Variants in ODR4 observed in about 807,000 individuals in gnomAD.
The protein encoded by ODR4 is odr-4 GPCR localization factor homolog, also known as protein odr-4 homolog.
In ODR4, 47 loss-of-function variants were observed where a neutral mutation model predicts 60.2. The ratio of observed to expected loss-of-function variants is 0.78; its 90% CI spans 0.62 to 1.00. ODR4 has a LOEUF of 1.00. ODR4 is among the 50% of genes least tolerant of loss of function. The probability of loss-of-function intolerance (pLI) is 0.00; values close to 1 mark genes in which losing one functional copy is unlikely to be tolerated. For synonymous variants in ODR4, 178 were observed against 175.5 expected, an observed-to-expected ratio of 1.01 and a Z score of -0.11; for missense variants, 488 against 530.8, an observed-to-expected ratio of 0.92 and a Z score of 0.79.
In ODR4 at chr1:186,378,692, C is replaced by A. The variant is rs1571655043; in HGVS notation, c.-19-1075C>A. Among the ~76,000 whole-genome samples, 6 of 152,242 alleles carry A rather than the reference C, an allele frequency of 3.9e-5. No individual in the cohort carries two copies. The South Asian group carries it at 1.2e-3, about 32-fold the overall frequency. On this transcript the variant is annotated intron_variant, in intron 1 of 13. Transcript: ENST00000287859. The stretch of plus-strand genomic sequence containing the variant: ...GTCTGAATTTAAGTCCCTCCTTTGC[C>A]ACTTACCCAGCTTTGTCACTTTGGC...
intron 11 of ODR4, among the ~76,000 whole-genome samples, chr1:186,399,401 G>T (rs1371866572): frequency 1.3e-5 from 2 of 152,122 alleles, no homozygotes; most frequent in South Asian, 4.1e-4. Flanking sequence ...TAGAGACAGG[G>T]TTTTGCCATG....
rs1276778209 is a variant in ODR4 at position 186,387,260 on chromosome 1, A to G, written c.330+1177A>G. ...ATGGAGATATTCTCCTCCCTGCTAAATTGTTTAACCCTCTGCCAACTTTTC... is the reference window on the plus strand; with the variant it reads ...ATGGAGATATTCTCCTCCCTGCTAAGTTGTTTAACCCTCTGCCAACTTTTC... On this transcript the variant is annotated intron_variant, in intron 4 of 13. Coordinates refer to ENST00000287859, the MANE Select transcript of ODR4 (RefSeq NM_017847.6). Among the ~76,000 whole-genome samples the G allele has an allele frequency of 2.0e-5, 3 of 152,170 alleles. No individual in the cohort carries two copies. The East Asian group carries it at 5.8e-4, about 29-fold the overall frequency.
chr1:186,417,445 T>A, intron 12 of ODR4, 99 bp from the exon 13 acceptor site: 1 of 697,542 alleles, frequency 1.4e-6, no homozygotes, highest in Non-Finnish European at 2.5e-6. Context: ...AGAAAGAAAA[T>A]GGTGATGATC....
Position 186,419,334 on chromosome 1 carries a change from T to A in ODR4, c.*258T>A. 2 of 468,358 alleles carry A rather than the reference T, an allele frequency of 4.3e-6. No homozygotes were observed. The highest frequency in any genetic ancestry group is 7.7e-6 in the Non-Finnish European group (2 of 259,736). 29.0% of individuals were successfully genotyped at this position (468,358 alleles called of 1,614,324 possible). On this transcript the variant is annotated 3_prime_UTR_variant, in exon 14 of 14. Transcript: ENST00000287859. Reference sequence around the variant, plus strand: ...CTGCATGTAACAAATCATTATTATCTATTTTTAAAAGCTTCAAAATGATGG... The same window carrying A: ...CTGCATGTAACAAATCATTATTATCAATTTTTAAAAGCTTCAAAATGATGG...
At chr1:186,423,395 C>T (rs1482871080), downstream of ODR4, among the ~76,000 whole-genome samples, 2 of 134,308 alleles carry the variant, frequency 1.5e-5, no homozygotes, top group Admixed American at 1.6e-4. Context: ...AAGTTGTATA[C>T]TTTAAAAATC....
At chr1:186,433,043 C>T in the ODR4 span, among the ~76,000 whole-genome samples, 2 of 152,216 alleles carry the variant, frequency 1.3e-5, no homozygotes, top group South Asian at 4.1e-4. Context: ...CTCAGCCTCC[C>T]AAAGTGCTGG....
chr1:186,394,820 A>G (rs1054448380), intron 9 of ODR4, among the ~76,000 whole-genome samples: 1 of 152,208 alleles, frequency 6.6e-6, no homozygotes, highest in Non-Finnish European at 1.5e-5. Context: ...ATGCCACTCA[A>G]TGTGAGTTCT....
downstream of ODR4, among the ~76,000 whole-genome samples, chr1:186,426,138 G>C (rs745343559): frequency 3.9e-5 from 6 of 152,156 alleles, no homozygotes; most frequent in Non-Finnish European, 8.8e-5. Context: ...AGCCACCACT[G>C]TCTGTATTTC....
rs1331467328 is a variant in ODR4 at position 186,419,986 on chromosome 1, T to C, written c.*910T>C. On this transcript the variant is annotated 3_prime_UTR_variant, in exon 14 of 14. Transcript: ENST00000287859. ...TTCTCAGGTTACTGTATAACTGTTA[T>C]AATATATTTAATATATAAAATTAAG... 2 of 152,116 alleles carry C rather than the reference T, an allele frequency of 1.3e-5. No homozygotes were observed. Among genetic ancestry groups the C allele is most frequent in the African/African-American group, 2.4e-5 (1 of 41,434 alleles). The allele number at this position is 152,116 out of a possible 1,614,324, so 9.4% of individuals were successfully genotyped here.
At chr1:186,387,534 C>G (rs1361666382) in intron 4 of ODR4, among the ~76,000 whole-genome samples, 2 of 152,148 alleles carry the variant, frequency 1.3e-5, no homozygotes, top group African/African-American at 4.8e-5. Context: ...TCTGACATTA[C>G]TGAGTTTCAA....
At chr1:186,430,264 A>G in the ODR4 span, among the ~76,000 whole-genome samples, 4 of 152,206 alleles carry the variant, frequency 2.6e-5, no homozygotes, top group African/African-American at 9.6e-5. Context: ...TATTTACTTA[A>G]CACCATTAAA....
At chr1:186,410,649 G>GA (rs1225727376) in intron 12 of ODR4, among the ~76,000 whole-genome samples, 2 of 152,102 alleles carry the variant, frequency 1.3e-5, no homozygotes, top group African/African-American at 4.8e-5. Flanking sequence ...AATTTAATCA[G>GA]AAAAAAGTCT....
intron 12 of ODR4, among the ~76,000 whole-genome samples, chr1:186,411,457 T>A (rs1032955442): frequency 3.6e-4 from 55 of 152,116 alleles, no homozygotes; most frequent in African/African-American, 1.3e-3. Flanking sequence ...AAAGTTTTAA[T>A]TTTAGCCTCA....
At chr1:186,392,005 A>G (rs953789846) in intron 8 of ODR4, among the ~76,000 whole-genome samples, 1 of 152,242 alleles carries the variant, frequency 6.6e-6, no homozygotes, top group Admixed American at 6.5e-5. Context: ...AAAAGAAGAC[A>G]TACATGCAGC....
In ODR4 at chr1:186,414,515, A is replaced by C. The variant is rs1221774633; in HGVS notation, c.1187-3029A>C. 5.3e-5 allele frequency among the ~76,000 whole-genome samples: 8 copies of C among 151,930 alleles called. No individual in the cohort carries two copies. The South Asian group carries it at 8.3e-4, about 16-fold the overall frequency. On this transcript the variant is annotated intron_variant, in intron 12 of 13. Coordinates refer to ENST00000287859, the MANE Select transcript of ODR4 (RefSeq NM_017847.6). Reference sequence around the variant, plus strand: ...TATTGGCCCAAATATGGGGGAAAAAAACAAAAACCTTTTTTTTTTTTTTTG... The same window carrying C: ...TATTGGCCCAAATATGGGGGAAAAACACAAAAACCTTTTTTTTTTTTTTTG...
At chr1:186,390,242 T>C (rs1301369247) in intron 6 of ODR4, among the ~76,000 whole-genome samples, 1 of 152,192 alleles carries the variant, frequency 6.6e-6, no homozygotes, top group African/African-American at 2.4e-5. Flanking sequence ...AAACAAGCTA[T>C]GTGTATTCAG....
intron 12 of ODR4, among the ~76,000 whole-genome samples, chr1:186,414,684 T>C (rs1661496447): frequency 6.6e-6 from 1 of 152,094 alleles, no homozygotes; most frequent in Non-Finnish European, 1.5e-5. Context: ...CATACCTGGC[T>C]AATTTTTTTG....
chr1:186,425,076 C>T (rs1459199597), downstream of ODR4, among the ~76,000 whole-genome samples: 3 of 151,936 alleles, frequency 2.0e-5, no homozygotes, highest in Non-Finnish European at 4.4e-5. Context: ...ACCCCCTGGT[C>T]ATAGTAATTT....
chr1:186,398,258 T>C, intron 9 of ODR4, 55 bp from the exon 10 acceptor site: 1 of 1,456,288 alleles, frequency 6.9e-7, no homozygotes. Context: ...GTTTAAATAT[T>C]TCCTGTAGTT....
Sources: gnomAD v4.1 joint callset for allele counts (sites outside exome capture counted in the v4.1 genomes callset) on GRCh38, gnomAD v4.1.1 for gene constraint, MANE v1.5 for transcripts, NCBI Gene and HGNC (gene_info 2026-07-23, HGNC 2026-07-21) for gene names.